The following EPB41L2 variants were observed in gnomAD, a reference collection of about 807,000 sequenced individuals.
EPB41L2 encodes the protein band 4.1-like protein 2.
In EPB41L2, 43 loss-of-function variants were observed where a neutral mutation model predicts 113.0. That is an observed-to-expected ratio of 0.38 (90% confidence interval 0.30 to 0.49). The LOEUF (loss-of-function observed/expected upper bound fraction) is 0.49, where lower values mean the gene tolerates loss of function less well. EPB41L2 is among the 20% of genes least tolerant of loss of function. The pLI is 0.95. For missense variants in EPB41L2, 1,147 were observed against 1,223.4 expected (o/e 0.94, Z 0.93); for synonymous variants, 442 against 436.7 (o/e 1.01, Z -0.15).
At chr6:130,989,995 CA>C (rs1781451699) in intron 1 of EPB41L2, among the ~76,000 whole-genome samples, 1 of 152,134 alleles carries the variant, frequency 6.6e-6, no homozygotes, top group Non-Finnish European at 1.5e-5. Context: ...GACTGGGTAA[CA>C]ACAACATAAA....
At chr6:130,968,867 G>GT (rs144085099) in intron 1 of EPB41L2, among the ~76,000 whole-genome samples, 1 of 151,446 alleles carries the variant, frequency 6.6e-6, no homozygotes, top group African/African-American at 2.4e-5. Flanking sequence ...AAATGTATTT[G>GT]TTTTTTTAGA....
chr6:130,930,433 G>A (rs554567795), intron 3 of EPB41L2, among the ~76,000 whole-genome samples: 7 of 152,114 alleles, frequency 4.6e-5, no homozygotes, highest in South Asian at 2.1e-4. Flanking sequence ...GGAGCATTTC[G>A]GATTTCCAAT....
Position 130,972,937 on chromosome 6 carries a change from C to CAAAAAAAAAAAAAAAAAAAAAAAA in EPB41L2, c.-14-16462_-14-16439dup, listed in dbSNP as rs57293132. Among the ~76,000 whole-genome samples the CAAAAAAAAAAAAAAAAAAAAAAAA allele has an allele frequency of 3.7e-4, 22 of 59,514 alleles. 2 individuals are homozygous for CAAAAAAAAAAAAAAAAAAAAAAAA. Among genetic ancestry groups the CAAAAAAAAAAAAAAAAAAAAAAAA allele is most frequent in the East Asian group, 1.8e-3 (3 of 1,696 alleles). The allele number at this position is 59,514 out of a possible 152,430, so 39.0% of individuals were successfully genotyped here. A position where few individuals can be genotyped will look rare whatever the true frequency, so the allele number is the denominator to read the frequency against. ...TGAAACCCCATCTCTACTAAAGATACAAAAAAAAAAAAAAAAAAAAAAAAA... is the reference window on the plus strand; with the variant it reads ...TGAAACCCCATCTCTACTAAAGATACAAAAAAAAAAAAAAAAAAAAAAAAAAAAAAAAAAAAAAAAAAAAAAAAA... On this transcript the variant is annotated intron_variant, in intron 1 of 19. Transcript: ENST00000337057.
At chr6:131,012,203 T>C (rs775810372) in intron 1 of EPB41L2, among the ~76,000 whole-genome samples, 1 of 151,450 alleles carries the variant, frequency 6.6e-6, no homozygotes, top group Non-Finnish European at 1.5e-5. Context: ...AGACTCTAGA[T>C]GGGGGCGGGG....
intron 1 of EPB41L2, among the ~76,000 whole-genome samples, chr6:131,023,768 T>TATATATAG (rs1562754272): frequency 1.4e-4 from 18 of 132,426 alleles, no homozygotes; most frequent in African/African-American, 3.6e-4. Context: ...TATATAGATA[T>TATATATAG]ATAGATATAT....
chr6:130,904,573 A>G (rs1296526427), intron 5 of EPB41L2, 33 bp from the exon 6 acceptor site: 2 of 1,377,750 alleles, frequency 1.5e-6, no homozygotes, highest in East Asian at 4.6e-5. Context: ...TTATGCACCC[A>G]ATTAACAGAA....
chr6:130,879,754 A>G (rs1349329571), intron 13 of EPB41L2, among the ~76,000 whole-genome samples: 1 of 152,234 alleles, frequency 6.6e-6, no homozygotes, highest in Non-Finnish European at 1.5e-5. Flanking sequence ...ACATGATTTA[A>G]TGCCAGATCA....
intron 1 of EPB41L2, among the ~76,000 whole-genome samples, chr6:130,977,326 T>C (rs769532010): frequency 2.7e-5 from 4 of 146,080 alleles, no homozygotes; most frequent in Non-Finnish European, 4.5e-5. Flanking sequence ...TTTAATTAGA[T>C]GGGAAATCTA....
intron 3 of EPB41L2, among the ~76,000 whole-genome samples, chr6:130,931,385 G>A (rs1806804438): frequency 6.6e-6 from 1 of 151,882 alleles, no homozygotes; most frequent in African/African-American, 2.4e-5. Flanking sequence ...GACTGAGAAG[G>A]AAAATTGTAA....
chr6:130,996,813 C>A (rs1377411080), intron 1 of EPB41L2, among the ~76,000 whole-genome samples: 1 of 152,048 alleles, frequency 6.6e-6, no homozygotes, highest in Non-Finnish European at 1.5e-5. Context: ...AATGTGGGTA[C>A]CTGGAAATTT....
intron 4 of EPB41L2, among the ~76,000 whole-genome samples, chr6:130,922,562 C>T (rs1803216996): frequency 6.6e-6 from 1 of 152,112 alleles, no homozygotes; most frequent in African/African-American, 2.4e-5. Context: ...GCTAGGTGAC[C>T]TTGGGTGACT....
intron 4 of EPB41L2, among the ~76,000 whole-genome samples, chr6:130,915,098 T>C (rs1018235170): frequency 3.3e-5 from 5 of 151,720 alleles, no homozygotes; most frequent in Non-Finnish European, 5.9e-5. Flanking sequence ...GGTCAGGAGA[T>C]CGAGACCATC....
chr6:131,013,289 TA>T (rs1299351674), intron 1 of EPB41L2, among the ~76,000 whole-genome samples: 1 of 151,906 alleles, frequency 6.6e-6, no homozygotes, highest in African/African-American at 2.4e-5. Flanking sequence ...AATACATGCC[TA>T]AGATGCCAAA....
At chr6:130,845,216 C>T (rs1776644470) in intron 19 of EPB41L2, among the ~76,000 whole-genome samples, 1 of 152,146 alleles carries the variant, frequency 6.6e-6, no homozygotes, top group African/African-American at 2.4e-5. Flanking sequence ...TTTAAGGGGA[C>T]CATAGAGTCA....
chr6:130,965,391 C>T (rs902548203), intron 1 of EPB41L2, among the ~76,000 whole-genome samples: 9 of 151,944 alleles, frequency 5.9e-5, no homozygotes, highest in African/African-American at 2.2e-4. Context: ...ATAGGAAATA[C>T]TGGTTAAACA....
At chr6:130,966,105 C>T (rs993596807) in intron 1 of EPB41L2, among the ~76,000 whole-genome samples, 20 of 152,128 alleles carry the variant, frequency 1.3e-4, no homozygotes, top group Middle Eastern at 3.4e-3. Flanking sequence ...GGATTCAAAG[C>T]TTTCCTGGGC....
intron 4 of EPB41L2, among the ~76,000 whole-genome samples, chr6:130,910,182 T>G (rs1311866339): frequency 6.6e-6 from 1 of 152,062 alleles, no homozygotes; most frequent in Non-Finnish European, 1.5e-5. Flanking sequence ...AAAACAGATA[T>G]ATAGACCAAT....
At chr6:130,965,057 G>A (rs1235483628) in intron 1 of EPB41L2, among the ~76,000 whole-genome samples, 1 of 152,152 alleles carries the variant, frequency 6.6e-6, no homozygotes, top group Admixed American at 6.5e-5. Flanking sequence ...ATAATCATTA[G>A]CAGCATGTTC....
At chr6:130,848,094 C>T (rs1401455106) in intron 19 of EPB41L2, among the ~76,000 whole-genome samples, 1 of 151,952 alleles carries the variant, frequency 6.6e-6, no homozygotes, top group African/African-American at 2.4e-5. Flanking sequence ...TCTGAGGGAA[C>T]ATGGGAAAAA....
Sources: gnomAD v4.1 joint callset for allele counts (sites outside exome capture counted in the v4.1 genomes callset) on GRCh38, gnomAD v4.1.1 for gene constraint, MANE v1.5 for transcripts, NCBI Gene and HGNC (gene_info 2026-07-23, HGNC 2026-07-21) for gene names.